TRIM49: variants seen among roughly 807,000 people sequenced by gnomAD.
TRIM49 encodes the protein tripartite motif containing 49, also known as tripartite motif-containing protein 49.
In TRIM49, 5 loss-of-function variants were observed where a neutral mutation model predicts 27.4. The observed-to-expected ratio is 0.18, with a 90% CI of 0.10 to 0.38. TRIM49 has a LOEUF of 0.38. Ranked by LOEUF, TRIM49 falls within the 10% of genes least tolerant of loss-of-function variation. The probability of loss-of-function intolerance (pLI) is 1.00; values close to 1 mark genes in which losing one functional copy is unlikely to be tolerated. For missense variants in TRIM49, 188 were observed against 487.5 expected, an observed-to-expected ratio of 0.39 and a Z score of 5.79; for synonymous variants, 69 against 166.0, an observed-to-expected ratio of 0.42 and a Z score of 4.49.
chr11:89,777,347 A>G, the TRIM49 span: 2 of 1,530,558 alleles, frequency 1.3e-6, no homozygotes, highest in African/African-American at 2.8e-5. Context: ...CACATGGCTC[A>G]CAGCCACACC....
chr11:89,792,688 G>A (rs1255100111), downstream of TRIM49, among the ~76,000 whole-genome samples: 1 of 152,124 alleles, frequency 6.6e-6, no homozygotes, highest in African/African-American at 2.4e-5. Flanking sequence ...GATGTTCTTT[G>A]AAACCAACGA....
chr11:89,793,500 C>T (rs2134625528), downstream of TRIM49, among the ~76,000 whole-genome samples: 1 of 152,268 alleles, frequency 6.6e-6, no homozygotes, highest in Non-Finnish European at 1.5e-5. Context: ...TACTGACAAA[C>T]AGAATCCAGC....
chr11:89,790,686 G>A, the TRIM49 span, among the ~76,000 whole-genome samples: 2 of 152,116 alleles, frequency 1.3e-5, no homozygotes, highest in African/African-American at 4.8e-5. Flanking sequence ...GCAGCTGAGG[G>A]TCCTGACTGT....
At chr11:89,772,686 G>A in the TRIM49 span, among the ~76,000 whole-genome samples, 1 of 134,792 alleles carries the variant, frequency 7.4e-6, no homozygotes, top group African/African-American at 3.5e-5. Flanking sequence ...CTATTGTTCT[G>A]CTGCTCACAG....
At chr11:89,790,121 G>A in the TRIM49 span, among the ~76,000 whole-genome samples, 1 of 132,290 alleles carries the variant, frequency 7.6e-6, no homozygotes, top group Admixed American at 7.7e-5. Context: ...CCTGCGTCTG[G>A]TTCAGAGGGT....
chr11:89,790,382 C>A, the TRIM49 span, among the ~76,000 whole-genome samples: 1 of 148,718 alleles, frequency 6.7e-6, no homozygotes, highest in Non-Finnish European at 1.5e-5. Flanking sequence ...CTTAAATGTC[C>A]CTGTCTGACA....
At position 89,807,169 on chromosome 11, in the gene TRIM49, A is replaced by G. The variant is rs116884912; in HGVS notation, c.-75T>C. 5,396 of 152,770 alleles carry G rather than the reference A, an allele frequency of 0.035. No individual in the cohort carries two copies. The highest frequency in any genetic ancestry group is 0.053 in the Non-Finnish European group (3,589 of 67,474). 9.5% of individuals were successfully genotyped at this position (152,770 alleles called of 1,614,324 possible). A position where few individuals can be genotyped will look rare whatever the true frequency, so the allele number is the denominator to read the frequency against. On this transcript the variant is annotated 5_prime_UTR_variant, in exon 2 of 8. An upstream open reading frame in the 5' UTR loses its in-frame stop. Coordinates refer to ENST00000329758, the MANE Select transcript of TRIM49 (RefSeq NM_020358.2). Reference sequence around the variant, plus strand: ...ATTTTGTTAAGTTCACCTCAAGATCAGAAGCTCATTCACTGCAGTACTGAA... The same window carrying G: ...ATTTTGTTAAGTTCACCTCAAGATCGGAAGCTCATTCACTGCAGTACTGAA...
At chr11:89,793,181 A>G (rs2134624912), downstream of TRIM49, among the ~76,000 whole-genome samples, 1 of 152,288 alleles carries the variant, frequency 6.6e-6, no homozygotes, top group Admixed American at 6.5e-5. Flanking sequence ...AGACTAAACC[A>G]GGAAGAAGTT....
chr11:89,802,767 A>G (rs1224389263), intron 4 of TRIM49, among the ~76,000 whole-genome samples: 1 of 150,696 alleles, frequency 6.6e-6, no homozygotes, highest in Admixed American at 6.6e-5. Flanking sequence ...AAACTCAAAC[A>G]CTAATCTCCA....
Position 89,798,632 on chromosome 11 carries a change from G to T in TRIM49, c.860-3C>A, listed in dbSNP as rs1305675434. On this transcript the variant is annotated splice_region_variant and splice_polypyrimidine_tract_variant and intron_variant, in intron 7 of 7. Transcript: ENST00000329758. ...TTCATGATGCAGAGTAATATGCACT[G>T]CAAAAAAAAAAAAAAAGAAAACATG... The T allele has an allele frequency of 1.9e-5, 27 of 1,387,726 alleles. 3 individuals carry two copies. Among genetic ancestry groups the T allele is most frequent in the African/African-American group, 4.7e-5 (2 of 42,668 alleles). The allele number at this position is 1,387,726 out of a possible 1,614,324, so 86.0% of individuals were successfully genotyped here.
rs776884443 is a variant in TRIM49, at chr11:89,804,190, C to T, written c.280G>A (p.Gly94Ser). ...LFLSSEEQMC[G>S]THRETKKIFC... is the part of the protein sequence containing the mutation. ...ATCTTCTTTGTCTCCCTGTGAGTGC[C>T]ACACATTTGCTCCTCAGAGCTCAGG... is the stretch of plus-strand genomic sequence containing the variant. The change falls in exon 3 of 8, where the codon GGC becomes AGC. Residue 94 changes from glycine (G) to serine (S), a missense_variant. By Grantham distance (56) the Gly-to-Ser change is moderately conservative. Transcript: ENST00000329758. 1 of 1,607,402 alleles carries T rather than the reference C, an allele frequency of 6.2e-7. No individual in the cohort carries two copies. Among genetic ancestry groups the T allele is most frequent in the African/African-American group, 1.4e-5 (1 of 73,688 alleles).
At chr11:89,804,021 T>C (rs150214822) in intron 3 of TRIM49, 38 bp downstream of exon 3, 118,824 of 1,603,012 alleles carry the variant, frequency 0.074, 694 homozygotes, top group Admixed American at 0.24. Flanking sequence ...AATTTTATGC[T>C]TCCTTTACAG....
the TRIM49 span, chr11:89,766,769 G>A: frequency 1.5e-6 from 2 of 1,365,950 alleles, 1 homozygote; most frequent in African/African-American, 4.0e-5. Context: ...ACATTGGGGA[G>A]GTGGTCAAGA....
At chr11:89,777,658 A>C in the TRIM49 span, among the ~76,000 whole-genome samples, 1 of 150,700 alleles carries the variant, frequency 6.6e-6, no homozygotes, top group Non-Finnish European at 1.5e-5. Flanking sequence ...CACCAAGAAC[A>C]CTTTTCAAAG....
chr11:89,772,337 G>A, the TRIM49 span, among the ~76,000 whole-genome samples: 2 of 131,560 alleles, frequency 1.5e-5, 1 homozygote, highest in Non-Finnish European at 3.1e-5. Context: ...TAAGTTTTGA[G>A]GAAGACAAAC....
chr11:89,800,302 G>A (rs569633201), intron 6 of TRIM49, among the ~76,000 whole-genome samples: 1 of 151,702 alleles, frequency 6.6e-6, no homozygotes, highest in East Asian at 1.9e-4. Flanking sequence ...ACTGTTAACT[G>A]ATATGTATAT....
Position 89,807,681 on chromosome 11 carries a change from A to G in TRIM49, c.-190-397T>C, listed in dbSNP as rs549448167. Reference sequence around the variant, plus strand: ...GTAGCTACGACTTTAGGCTCACACTATATCACCTGGCTAATTTTTTTTGTT... The same window carrying G: ...GTAGCTACGACTTTAGGCTCACACTGTATCACCTGGCTAATTTTTTTTGTT... On this transcript the variant is annotated intron_variant, in intron 1 of 7. Coordinates refer to ENST00000329758, the MANE Select transcript of TRIM49 (RefSeq NM_020358.2). Among the ~76,000 whole-genome samples, 13 of 151,054 alleles carry G rather than the reference A, an allele frequency of 8.6e-5. 1 individual carries two copies. The East Asian group carries it at 1.4e-3, about 16-fold the overall frequency.
chr11:89,773,926 G>A, the TRIM49 span, among the ~76,000 whole-genome samples: 1 of 135,324 alleles, frequency 7.4e-6, no homozygotes. Context: ...GACAGAGCAA[G>A]ATACCGTCTC....
At chr11:89,770,831 A>T in the TRIM49 span, among the ~76,000 whole-genome samples, 1 of 144,078 alleles carries the variant, frequency 6.9e-6, no homozygotes, top group Non-Finnish European at 1.5e-5. Context: ...GCGCCACTGC[A>T]CTCCAGCCTG....
Sources: gnomAD v4.1 joint callset for allele counts (sites outside exome capture counted in the v4.1 genomes callset) on GRCh38, gnomAD v4.1.1 for gene constraint, MANE v1.5 for transcripts, NCBI Gene and HGNC (gene_info 2026-07-23, HGNC 2026-07-21) for gene names.